Variants in GOLGA8B observed in about 807,000 individuals in gnomAD.
The protein encoded by GOLGA8B is golgin subfamily A member 8B.
In GOLGA8B, 1 loss-of-function variant was observed where a neutral mutation model predicts 15.6. The ratio of observed to expected loss-of-function variants is 0.06; its 90% CI spans 0.02 to 0.30. The LOEUF is 0.30. Among genes scored for constraint, GOLGA8B ranks in the 10% least tolerant of loss-of-function variants. GOLGA8B has a pLI of 1.00. For synonymous variants in GOLGA8B, 9 were observed against 80.3 expected (o/e 0.11, Z 4.75); for missense variants, 17 against 201.3 (o/e 0.08, Z 5.54).
chr15:34,573,208 T>C (rs1888968711), intron 1 of GOLGA8B, among the ~76,000 whole-genome samples: 2 of 152,278 alleles, frequency 1.3e-5, no homozygotes, highest in South Asian at 4.1e-4. Flanking sequence ...TTCTCAGTAT[T>C]GGAGAATAAA....
At chr15:34,583,312 C>T (rs372025342) in intron 1 of GOLGA8B, among the ~76,000 whole-genome samples, 1 of 152,078 alleles carries the variant, frequency 6.6e-6, no homozygotes, top group African/African-American at 2.4e-5. Flanking sequence ...TGGGCCGGTC[C>T]GAGAGGCGTA....
In GOLGA8B at chr15:34,525,508, G is replaced by T. The variant is rs955806517; in HGVS notation, c.*2124C>A. On this transcript the variant is annotated 3_prime_UTR_variant, in exon 24 of 24. Transcript: ENST00000683415. ...CACCATTTCTTTCTTTTAAACTACA[G>T]TATTCATATTTTAAAATGTTTTAAC... The T allele has an allele frequency of 6.0e-5, 9 of 149,772 alleles. 1 individual carries two copies. The highest frequency in any genetic ancestry group is 2.2e-4 in the African/African-American group (9 of 40,564). The allele number at this position is 149,772 out of a possible 1,614,324, so 9.3% of individuals were successfully genotyped here. A position where few individuals can be genotyped will look rare whatever the true frequency, so the allele number is the denominator to read the frequency against.
intron 1 of GOLGA8B, among the ~76,000 whole-genome samples, chr15:34,557,722 T>G (rs1240177208): frequency 1.2e-4 from 11 of 93,114 alleles, no homozygotes; most frequent in African/African-American, 4.3e-4. Context: ...GGAAATCATA[T>G]TGACTCCTGG....
chr15:34,563,513 G>A (rs1353827817), intron 1 of GOLGA8B, among the ~76,000 whole-genome samples: 2 of 148,640 alleles, frequency 1.3e-5, no homozygotes, highest in Admixed American at 6.8e-5. Flanking sequence ...CCCATTTACT[G>A]TCATTGTCTA....
At chr15:34,572,538 A>G (rs1888950962) in intron 1 of GOLGA8B, among the ~76,000 whole-genome samples, 1 of 152,260 alleles carries the variant, frequency 6.6e-6, no homozygotes, top group African/African-American at 2.4e-5. Flanking sequence ...TATTTACAGT[A>G]GGATCCCACT....
At chr15:34,580,837 C>T (rs1889208391) in intron 1 of GOLGA8B, among the ~76,000 whole-genome samples, 1 of 152,202 alleles carries the variant, frequency 6.6e-6, no homozygotes, top group African/African-American at 2.4e-5. Flanking sequence ...ACTTGACCTA[C>T]ACTGCAGAGG....
At chr15:34,565,126 T>G (rs1888724434) in intron 1 of GOLGA8B, among the ~76,000 whole-genome samples, 1 of 112,028 alleles carries the variant, frequency 8.9e-6, no homozygotes, top group African/African-American at 3.1e-5. Context: ...GCCTCTTAGA[T>G]CCAGTTCTCT....
chr15:34,580,294 G>C (rs530511343), intron 1 of GOLGA8B, among the ~76,000 whole-genome samples: 1 of 152,276 alleles, frequency 6.6e-6, no homozygotes, highest in Non-Finnish European at 1.5e-5. Context: ...TCTTGGGAGC[G>C]AGTGGGAGAA....
chr15:34,583,032 C>G (rs1170808813), intron 1 of GOLGA8B, among the ~76,000 whole-genome samples: 1 of 152,168 alleles, frequency 6.6e-6, no homozygotes, highest in African/African-American at 2.4e-5. Flanking sequence ...GGGCGAAGAT[C>G]CGGGCTCGGG....
rs573453357 is a variant in GOLGA8B at position 34,570,304 on chromosome 15, G to A, written c.-1123+13212C>T. ...AGCCACATCCTCTAAGGCCCCCATG[G>A]GTGAGCACCCATGTGACAGCCCCTG... On this transcript the variant is annotated intron_variant, in intron 1 of 23. Coordinates refer to ENST00000683415, the MANE Select transcript of GOLGA8B (RefSeq NM_001023567.5). Among the ~76,000 whole-genome samples the A allele has an allele frequency of 1.9e-3, 280 of 148,154 alleles. 3 individuals are homozygous for A. Among genetic ancestry groups the A allele is most frequent in the African/African-American group, 6.4e-3 (259 of 40,544 alleles).
chr15:34,566,800 T>C (rs1370380402), intron 1 of GOLGA8B, among the ~76,000 whole-genome samples: 3 of 124,280 alleles, frequency 2.4e-5, no homozygotes, highest in East Asian at 2.1e-4. Context: ...TTTTCAGCAA[T>C]AGTAAAATTT....
intron 7 of GOLGA8B, among the ~76,000 whole-genome samples, chr15:34,543,061 ATC>A (rs1418276338): frequency 3.6e-4 from 31 of 87,146 alleles, no homozygotes; most frequent in Non-Finnish European, 6.5e-4. Flanking sequence ...TTATCCTCAT[ATC>A]TCTCTGTGTA....
rs1201300814 is a variant in GOLGA8B at position 34,525,396 on chromosome 15, C to T, written c.*2236G>A. On this transcript the variant is annotated 3_prime_UTR_variant, in exon 24 of 24. Transcript: ENST00000683415. ...TGTTACACATTCTGTTAACAAGAACCCATACATTGGTAAAATTCATTCTAA... is the reference window on the plus strand; with the variant it reads ...TGTTACACATTCTGTTAACAAGAACTCATACATTGGTAAAATTCATTCTAA... 1.3e-5 allele frequency: 2 copies of T among 149,788 alleles called. No homozygotes were observed. The highest frequency in any genetic ancestry group is 2.0e-4 in the East Asian group (1 of 5,124). 9.3% of individuals were successfully genotyped at this position (149,788 alleles called of 1,614,324 possible).
chr15:34,525,741 A>C lies in GOLGA8B; in HGVS notation c.*1891T>G, dbSNP rs905660059. The C allele has an allele frequency of 6.7e-6, 1 of 149,670 alleles. No individual in the cohort carries two copies. Among genetic ancestry groups the C allele is most frequent in the Admixed American group, 6.8e-5 (1 of 14,754 alleles). The allele number at this position is 149,670 out of a possible 1,614,324, so 9.3% of individuals were successfully genotyped here. On this transcript the variant is annotated 3_prime_UTR_variant, in exon 24 of 24. Coordinates refer to ENST00000683415, the MANE Select transcript of GOLGA8B (RefSeq NM_001023567.5). ...CATACAATTCGGAAGAGTCAGTTGA[A>C]GTCACAAGGACCCAATATCTGCCCT...
chr15:34,578,791 T>C lies in GOLGA8B; in HGVS notation c.-1123+4725A>G, dbSNP rs552091392. Reference sequence around the variant, plus strand: ...TCCAGACAACTAGAGATGAAAATATTTCCACAGTCACTCAACGCAGGTATC... The same window carrying C: ...TCCAGACAACTAGAGATGAAAATATCTCCACAGTCACTCAACGCAGGTATC... On this transcript the variant is annotated intron_variant, in intron 1 of 23. Transcript: ENST00000683415. 2.0e-5 allele frequency among the ~76,000 whole-genome samples: 3 copies of C among 152,288 alleles called. No homozygotes were observed. In the East Asian group the frequency reaches 5.8e-4, roughly 29 times the overall value.
chr15:34,574,039 C>T (rs964932568), intron 1 of GOLGA8B, among the ~76,000 whole-genome samples: 3 of 152,008 alleles, frequency 2.0e-5, no homozygotes, highest in Non-Finnish European at 4.4e-5. Context: ...CCGGCCCAGC[C>T]CCTCAGTGTG....
At chr15:34,574,634 G>A (rs1379963878) in intron 1 of GOLGA8B, among the ~76,000 whole-genome samples, 2 of 152,214 alleles carry the variant, frequency 1.3e-5, no homozygotes, top group Non-Finnish European at 2.9e-5. Flanking sequence ...AGCCTAACAA[G>A]TAGCAGGCCT....
chr15:34,572,739 A>G (rs1488066099), intron 1 of GOLGA8B, among the ~76,000 whole-genome samples: 2 of 152,214 alleles, frequency 1.3e-5, no homozygotes, highest in Non-Finnish European at 2.9e-5. Flanking sequence ...ATTTCTGTAA[A>G]GTTCTAATCT....
chr15:34,567,615 C>T (rs1859398357), intron 1 of GOLGA8B, among the ~76,000 whole-genome samples: 1 of 151,744 alleles, frequency 6.6e-6, no homozygotes, highest in Admixed American at 6.5e-5. Flanking sequence ...ATCTCCAGCA[C>T]TCTGCTCTGT....
Sources: allele counts gnomAD v4.1 joint callset (sites outside exome capture counted in the v4.1 genomes callset), GRCh38; gene constraint gnomAD v4.1.1; transcripts MANE v1.5; gene names NCBI Gene and HGNC (gene_info 2026-07-23, HGNC 2026-07-21).